Variants in ITGBL1 observed in about 807,000 individuals in gnomAD.
The protein encoded by ITGBL1 is integrin subunit beta like 1.
ITGBL1 carries 51 observed loss-of-function variants against 68.5 expected under a neutral mutation model. The ratio of observed to expected loss-of-function variants is 0.74; its 90% CI spans 0.59 to 0.94. ITGBL1 has a LOEUF of 0.94. Among genes scored for constraint, ITGBL1 ranks in the 40% least tolerant of loss-of-function variants. ITGBL1 has a pLI of 0.00. For synonymous variants in ITGBL1, 209 were observed against 227.3 expected, an observed-to-expected ratio of 0.92 and a Z score of 0.72; for missense variants, 649 against 647.4, an observed-to-expected ratio of 1.00 and a Z score of -0.03.
chr13:101,576,756 G>A (rs207474322), intron 4 of ITGBL1, among the ~76,000 whole-genome samples: 1 of 152,056 alleles, frequency 6.6e-6, no homozygotes, highest in Non-Finnish European at 1.5e-5. Flanking sequence ...TCTCCTGGCT[G>A]TACAAACTAC....
At chr13:101,653,497 A>G (rs1051025739) in intron 7 of ITGBL1, among the ~76,000 whole-genome samples, 1 of 148,484 alleles carries the variant, frequency 6.7e-6, no homozygotes, top group Admixed American at 6.6e-5. Context: ...AAGTCAGTCA[A>G]CAAATATATG....
intron 7 of ITGBL1, among the ~76,000 whole-genome samples, chr13:101,635,007 A>C (rs566607026): frequency 6.7e-6 from 1 of 148,238 alleles, no homozygotes; most frequent in Non-Finnish European, 1.5e-5. Flanking sequence ...CTCAATTTCA[A>C]TTCGAATTTC....
intron 5 of ITGBL1, among the ~76,000 whole-genome samples, chr13:101,582,800 C>T (rs1165655455): frequency 6.6e-6 from 1 of 152,162 alleles, no homozygotes; most frequent in Non-Finnish European, 1.5e-5. Context: ...TCCTCTTTCT[C>T]CAAATTCTTA....
chr13:101,602,596 C>T (rs1245763100), intron 7 of ITGBL1, among the ~76,000 whole-genome samples: 1 of 151,916 alleles, frequency 6.6e-6, no homozygotes, highest in East Asian at 1.9e-4. Flanking sequence ...ATATAATTCA[C>T]ATACCACAAA....
rs34627046 is a variant in ITGBL1 at position 101,689,211 on chromosome 13, T to TAAAAAAAAAAAA, written c.1016-3363_1016-3352dup. 1.2e-3 allele frequency among the ~76,000 whole-genome samples: 87 copies of TAAAAAAAAAAAA among 74,854 alleles called. 3 individuals are homozygous for TAAAAAAAAAAAA. Among genetic ancestry groups the TAAAAAAAAAAAA allele is most frequent in the African/African-American group, 3.6e-3 (76 of 21,192 alleles). 49.1% of individuals were successfully genotyped at this position (74,854 alleles called of 152,430 possible). A position where few individuals can be genotyped will look rare whatever the true frequency, so the allele number is the denominator to read the frequency against. ...CCTGGGGACAGAGCAAGACTCTGCC[T>TAAAAAAAAAAAA]AAAAAAAAAAAAAAAAAAAAAATTA... is the stretch of plus-strand genomic sequence containing the variant. On this transcript the variant is annotated intron_variant, in intron 7 of 10. Coordinates refer to ENST00000376180, the MANE Select transcript of ITGBL1 (RefSeq NM_004791.3).
At chr13:101,466,595 A>G (rs912637523) in intron 2 of ITGBL1, among the ~76,000 whole-genome samples, 5 of 152,164 alleles carry the variant, frequency 3.3e-5, no homozygotes, top group African/African-American at 1.2e-4. Context: ...ACTGTCACTT[A>G]ATACAGTCTA....
At chr13:101,719,080 T>G (rs1209298942), downstream of ITGBL1, 1 of 152,172 alleles carries the variant, frequency 6.6e-6, no homozygotes, top group Non-Finnish European at 1.5e-5. Flanking sequence ...TGTTCTCAAC[T>G]GGATGTTAGT....
chr13:101,572,059 G>A (rs1566737029), intron 3 of ITGBL1, among the ~76,000 whole-genome samples: 1 of 152,112 alleles, frequency 6.6e-6, no homozygotes, highest in Non-Finnish European at 1.5e-5. Flanking sequence ...TATATTCAGT[G>A]TTACATTTAA....
At position 101,605,295 on chromosome 13, in the gene ITGBL1, C is replaced by T. The variant is rs548919720; in HGVS notation, c.1015+6996C>T. ...GCATGTGTGTATATGCGTATATATA[C>T]ACATATATAGGCATGTATATATGCA... On this transcript the variant is annotated intron_variant, in intron 7 of 10. Transcript: ENST00000376180. Among the ~76,000 whole-genome samples the T allele has an allele frequency of 4.7e-5, 6 of 127,538 alleles. No individual in the cohort carries two copies. In the East Asian group the frequency reaches 1.2e-3, roughly 26 times the overall value. 83.7% of individuals were successfully genotyped at this position (127,538 alleles called of 152,430 possible).
chr13:101,552,619 A>T (rs950745550), intron 2 of ITGBL1, among the ~76,000 whole-genome samples: 3 of 152,178 alleles, frequency 2.0e-5, no homozygotes, highest in African/African-American at 4.8e-5. Flanking sequence ...TTAACTACCC[A>T]CTTTACAACA....
At chr13:101,454,399 T>TGCCCCC (rs2048210934) in intron 2 of ITGBL1, among the ~76,000 whole-genome samples, 1 of 135,812 alleles carries the variant, frequency 7.4e-6, no homozygotes. Context: ...CCCTGGCTGG[T>TGCCCCC]CCCCCCCCCC....
At chr13:101,480,794 G>A (rs771010608) in intron 2 of ITGBL1, among the ~76,000 whole-genome samples, 7 of 152,066 alleles carry the variant, frequency 4.6e-5, no homozygotes, top group Non-Finnish European at 1.0e-4. Context: ...TATATGTGAG[G>A]AGTTGGGGTT....
At chr13:101,620,004 A>G (rs2031521078) in intron 7 of ITGBL1, among the ~76,000 whole-genome samples, 1 of 152,112 alleles carries the variant, frequency 6.6e-6, no homozygotes. Flanking sequence ...TAATCTTGGT[A>G]TATTGTTTTT....
intron 3 of ITGBL1, 60 bp downstream of exon 3, chr13:101,567,905 A>G: frequency 7.2e-7 from 1 of 1,383,168 alleles, no homozygotes; most frequent in Non-Finnish European, 1.0e-6. Flanking sequence ...TTTTTAATGG[A>G]AATATGTGGG....
intron 2 of ITGBL1, among the ~76,000 whole-genome samples, chr13:101,508,309 A>G: frequency 6.6e-6 from 1 of 152,172 alleles, no homozygotes; most frequent in East Asian, 1.9e-4. Flanking sequence ...AAAGTTGTAC[A>G]TTTAGTTTCT....
At chr13:101,486,602 T>C (rs1369530305) in intron 2 of ITGBL1, among the ~76,000 whole-genome samples, 1 of 152,214 alleles carries the variant, frequency 6.6e-6, no homozygotes, top group Non-Finnish European at 1.5e-5. Flanking sequence ...TAAAGACTAT[T>C]TGAGAAATGG....
intron 7 of ITGBL1, among the ~76,000 whole-genome samples, chr13:101,671,279 G>C (rs897553282): frequency 6.6e-6 from 1 of 152,048 alleles, no homozygotes; most frequent in Non-Finnish European, 1.5e-5. Context: ...ATTACATGAA[G>C]TGAAATAACT....
chr13:101,715,713 G>T lies in ITGBL1; in HGVS notation c.*59G>T, dbSNP rs1005020210. The T allele has an allele frequency of 2.4e-5, 26 of 1,084,048 alleles. No individual in the cohort carries two copies. The highest frequency in any genetic ancestry group is 3.7e-5 in the Non-Finnish European group (26 of 697,280). 67.2% of individuals were successfully genotyped at this position (1,084,048 alleles called of 1,614,324 possible). A position where few individuals can be genotyped will look rare whatever the true frequency, so the allele number is the denominator to read the frequency against. On this transcript the variant is annotated 3_prime_UTR_variant, in exon 11 of 11. Coordinates refer to ENST00000376180, the MANE Select transcript of ITGBL1 (RefSeq NM_004791.3). ...TTCTGGGCCATTAGAACAGATAAAT[G>T]CGAAGGAAACCATGTATATTCACCA... is the stretch of plus-strand genomic sequence containing the variant.
At chr13:101,672,285 C>A (rs1011424057) in intron 7 of ITGBL1, among the ~76,000 whole-genome samples, 1 of 152,112 alleles carries the variant, frequency 6.6e-6, no homozygotes. Context: ...ATCTTGAATT[C>A]TTCTGATATA....
Sources: allele counts gnomAD v4.1 joint callset (sites outside exome capture counted in the v4.1 genomes callset), GRCh38; gene constraint gnomAD v4.1.1; transcripts MANE v1.5; gene names NCBI Gene and HGNC (gene_info 2026-07-23, HGNC 2026-07-21).